The following UNC93A variants were observed in gnomAD, a reference collection of about 807,000 sequenced individuals.
UNC93A encodes the protein unc-93 homolog A.
In UNC93A, 43 loss-of-function variants were observed where a neutral mutation model predicts 47.5. The observed-to-expected ratio is 0.91, with a 90% CI of 0.71 to 1.17. UNC93A has a LOEUF of 1.17. Ranked by LOEUF, UNC93A falls within the 50% of genes most tolerant of loss-of-function variation. UNC93A has a pLI of 0.00. For missense variants in UNC93A, 605 were observed against 577.6 expected (o/e 1.05, Z -0.49); for synonymous variants, 280 against 258.0 (o/e 1.09, Z -0.82).
intron 1 of UNC93A, among the ~76,000 whole-genome samples, chr6:167,272,904 A>G (rs1439510612): frequency 6.6e-6 from 1 of 152,160 alleles, no homozygotes; most frequent in African/African-American, 2.4e-5. Flanking sequence ...TGTAGGATAT[A>G]ATGAGGTCTG....
chr6:167,294,456 C>T, intron 1 of UNC93A, 61 bp from the exon 2 acceptor site: 1 of 1,579,868 alleles, frequency 6.3e-7, no homozygotes, highest in Non-Finnish European at 8.6e-7. Context: ...TGAGGACCTG[C>T]TGGTGCCTCA....
At chr6:167,282,653 T>C (rs770141223) in intron 1 of UNC93A, among the ~76,000 whole-genome samples, 4 of 152,174 alleles carry the variant, frequency 2.6e-5, no homozygotes, top group Non-Finnish European at 4.4e-5. Context: ...TATATGTTGA[T>C]GAAAAAACCT....
chr6:167,295,475 C>G (rs1973895), intron 2 of UNC93A, among the ~76,000 whole-genome samples: 10,240 of 72,278 alleles, frequency 0.14, 1,414 homozygotes, highest in African/African-American at 0.25. Context: ...CTCCTCGCCT[C>G]CCTCGTGAAC....
intron 1 of UNC93A, among the ~76,000 whole-genome samples, chr6:167,285,219 C>CG (rs1421252866): frequency 6.6e-6 from 1 of 151,922 alleles, no homozygotes; most frequent in East Asian, 2.0e-4. Flanking sequence ...ACAGGCTGGC[C>CG]CTGAGCCATG....
At position 167,309,340 on chromosome 6, in the gene UNC93A, C is replaced by T. The variant is rs374535694; in HGVS notation, c.1108+1430C>T. Among the ~76,000 whole-genome samples the T allele has an allele frequency of 3.7e-4, 57 of 152,198 alleles. No homozygotes were observed. In the East Asian group the frequency reaches 7.5e-3, roughly 20 times the overall value. ...GTGTGGCCGCTTGCCGGAGGGTGTG[C>T]GTACTGGGTGGTGTTGAAAATGACA... On this transcript the variant is annotated intron_variant, in intron 7 of 7. Transcript: ENST00000230256.
intron 1 of UNC93A, among the ~76,000 whole-genome samples, chr6:167,277,258 G>C (rs206977): frequency 0.72 from 109,730 of 152,192 alleles, 40,212 homozygotes; most frequent in African/African-American, 0.86. Context: ...GGCTTCTGCT[G>C]TGTGCCTACA....
upstream of UNC93A, among the ~76,000 whole-genome samples, chr6:167,290,624 C>T (rs1783823446): frequency 6.6e-6 from 1 of 152,196 alleles, no homozygotes; most frequent in Admixed American, 6.5e-5. Flanking sequence ...TTGTAATTAA[C>T]TAAAAGGAGA....
intron 7 of UNC93A, among the ~76,000 whole-genome samples, chr6:167,310,521 G>C (rs1166810355): frequency 6.6e-6 from 1 of 152,252 alleles, no homozygotes; most frequent in East Asian, 1.9e-4. Context: ...CCTTTAATAA[G>C]GGATGCTAAT....
At chr6:167,272,796 G>T (rs952911964) in intron 1 of UNC93A, among the ~76,000 whole-genome samples, 15 of 152,194 alleles carry the variant, frequency 9.9e-5, no homozygotes, top group African/African-American at 3.4e-4. Flanking sequence ...GGAGACCAAA[G>T]TTCTTATTTA....
chr6:167,283,539 AG>A (rs1783669358), intron 1 of UNC93A, among the ~76,000 whole-genome samples: 1 of 152,150 alleles, frequency 6.6e-6, no homozygotes, highest in Non-Finnish European at 1.5e-5. Context: ...GAAAGTGGGA[AG>A]GGTAAGGTGG....
chr6:167,283,752 C>G (rs1267428368), intron 1 of UNC93A, among the ~76,000 whole-genome samples: 2 of 152,036 alleles, frequency 1.3e-5, no homozygotes. Flanking sequence ...TAACAGAGAC[C>G]CTTCATCATG....
chr6:167,287,315 T>C (rs1193356572), upstream of UNC93A, among the ~76,000 whole-genome samples: 1 of 152,174 alleles, frequency 6.6e-6, no homozygotes, highest in African/African-American at 2.4e-5. Flanking sequence ...AGCTGCTCTC[T>C]CCAAAGCTGG....
chr6:167,306,061 G>A lies in UNC93A; in HGVS notation c.976+11G>A. ...TGCTGTACGTGCTGGGTAGGTATCA[G>A]CGTGGGTCCCATCCCAGCTGTCATA... On this transcript the variant is annotated intron_variant, in intron 6 of 7. Transcript: ENST00000230256. The A allele has an allele frequency of 6.2e-7, 1 of 1,613,846 alleles. No homozygotes were observed. The highest frequency in any genetic ancestry group is 8.5e-7 in the Non-Finnish European group (1 of 1,179,868).
chr6:167,280,171 CA>C (rs1783608385), intron 1 of UNC93A, among the ~76,000 whole-genome samples: 1 of 152,110 alleles, frequency 6.6e-6, no homozygotes, highest in Admixed American at 6.5e-5. Context: ...ATTTGATACT[CA>C]AAAGCCGAGG....
At chr6:167,279,167 G>A (rs1483395589) in intron 1 of UNC93A, among the ~76,000 whole-genome samples, 3 of 152,152 alleles carry the variant, frequency 2.0e-5, no homozygotes, top group African/African-American at 7.2e-5. Flanking sequence ...GAAATCTATG[G>A]CACATACTTT....
chr6:167,293,735 C>A (rs1777958310), intron 1 of UNC93A, among the ~76,000 whole-genome samples: 1 of 152,196 alleles, frequency 6.6e-6, no homozygotes, highest in Admixed American at 6.5e-5. Flanking sequence ...TGGACTAGGT[C>A]CCCTCGTCCA....
intron 7 of UNC93A, among the ~76,000 whole-genome samples, chr6:167,308,553 G>C (rs1173205104): frequency 1.3e-5 from 2 of 152,038 alleles, no homozygotes; most frequent in Admixed American, 6.5e-5. Context: ...CACTGTCCAG[G>C]TGGGGTGGGG....
chr6:167,271,646 A>C (rs1300085867), intron 1 of UNC93A, among the ~76,000 whole-genome samples: 1 of 152,120 alleles, frequency 6.6e-6, no homozygotes, highest in Admixed American at 6.5e-5. Flanking sequence ...CCTTCTACCC[A>C]TCCTAGGTTC....
intron 1 of UNC93A, among the ~76,000 whole-genome samples, chr6:167,293,904 A>T (rs1331384112): frequency 6.6e-6 from 1 of 152,188 alleles, no homozygotes; most frequent in African/African-American, 2.4e-5. Context: ...TGGGGCACCC[A>T]GCACCCTCGT....
Sources: allele counts gnomAD v4.1 joint callset (sites outside exome capture counted in the v4.1 genomes callset), GRCh38; gene constraint gnomAD v4.1.1; transcripts MANE v1.5; gene names NCBI Gene and HGNC (gene_info 2026-07-23, HGNC 2026-07-21).